MED13L: variants seen among roughly 807,000 people sequenced by gnomAD.
MED13L encodes mediator of RNA polymerase II transcription subunit 13-like.
A neutral mutation model predicts 220.9 loss-of-function variants in MED13L; 7 were observed. The ratio of observed to expected loss-of-function variants is 0.03; its 90% confidence interval spans 0.02 to 0.06. MED13L has a LOEUF of 0.06. MED13L is among the 10% of genes least tolerant of loss of function. The probability of loss-of-function intolerance (pLI) is 1.00; values close to 1 mark genes in which losing one functional copy is unlikely to be tolerated. For missense variants in MED13L, 1,965 were observed against 2,760.5 expected (o/e 0.71, Z 6.46); for synonymous variants, 1,011 against 1,015.2 (o/e 1.00, Z 0.08).
At chr12:116,093,897 T>C (rs1430837495) in intron 4 of MED13L, among the ~76,000 whole-genome samples, 1 of 152,148 alleles carries the variant, frequency 6.6e-6, no homozygotes, top group East Asian at 1.9e-4. Context: ...TTCATTTCTC[T>C]CTCTCAACTA....
At chr12:116,048,794 C>G (rs999492305) in intron 4 of MED13L, among the ~76,000 whole-genome samples, 2 of 152,144 alleles carry the variant, frequency 1.3e-5, no homozygotes, top group Non-Finnish European at 2.9e-5. Context: ...AAGTTACAGA[C>G]AGCCATTACC....
chr12:116,123,831 C>T (rs770664812), intron 2 of MED13L, among the ~76,000 whole-genome samples: 13 of 152,166 alleles, frequency 8.5e-5, no homozygotes, highest in African/African-American at 2.9e-4. Flanking sequence ...GGGCACTCTA[C>T]GGCGTGACCG....
chr12:116,016,395 T>G (rs1462120178), intron 7 of MED13L, among the ~76,000 whole-genome samples: 3 of 152,346 alleles, frequency 2.0e-5, no homozygotes, highest in African/African-American at 7.2e-5. Context: ...ATAAGAAATT[T>G]GAACTTTGCT....
chr12:116,141,912 C>T (rs1877114279), intron 2 of MED13L, among the ~76,000 whole-genome samples: 1 of 152,080 alleles, frequency 6.6e-6, no homozygotes. Context: ...CCACACCCTA[C>T]CCCAGCTTCA....
chr12:116,049,073 T>C (rs1882003280), intron 4 of MED13L, among the ~76,000 whole-genome samples: 1 of 152,210 alleles, frequency 6.6e-6, no homozygotes, highest in Non-Finnish European at 1.5e-5. Flanking sequence ...CAGCCCTTTC[T>C]ACTAGACATA....
At chr12:116,182,235 A>C (rs545942023) in intron 2 of MED13L, among the ~76,000 whole-genome samples, 96 of 152,170 alleles carry the variant, frequency 6.3e-4, no homozygotes, top group Non-Finnish European at 1.1e-3. Flanking sequence ...AACCCATTCA[A>C]ACTGGTCTTA....
chr12:116,266,184 C>T (rs1242735218), intron 1 of MED13L, among the ~76,000 whole-genome samples: 3 of 152,208 alleles, frequency 2.0e-5, no homozygotes, highest in African/African-American at 7.2e-5. Context: ...CCAATCTCAG[C>T]CCTAATTCCC....
Position 116,008,447 on chromosome 12 carries a change from A to C in MED13L, c.1966T>G (p.Cys656Gly). 2 of 1,612,936 alleles carry C rather than the reference A, an allele frequency of 1.2e-6. No homozygotes were observed. Among genetic ancestry groups the C allele is most frequent in the East Asian group, 2.2e-5 (1 of 44,838 alleles). Reference protein sequence around the residue: ...FRPPELQGERCDAKMEVNSES... With the variant: ...FRPPELQGERGDAKMEVNSES... ...GAGTTTACCTCCATTTTGGCATCAC[A>C]TCTCTCACCCTGGAGCTCTGGAGGC... is the stretch of plus-strand genomic sequence containing the variant. The change falls in exon 10 of 31, where the codon TGT (cysteine) becomes GGT (glycine). Residue 656 changes from cysteine (C) to glycine (G), a missense_variant. Coordinates refer to ENST00000281928, the MANE Select transcript of MED13L (RefSeq NM_015335.5).
intron 4 of MED13L, among the ~76,000 whole-genome samples, chr12:116,061,570 T>C (rs897600176): frequency 6.6e-6 from 1 of 152,176 alleles, no homozygotes; most frequent in Non-Finnish European, 1.5e-5. Context: ...GACATGATAG[T>C]TACTAAAATT....
intron 1 of MED13L, among the ~76,000 whole-genome samples, chr12:116,254,368 A>T (rs563018105): frequency 1.3e-5 from 2 of 152,258 alleles, no homozygotes; most frequent in African/African-American, 4.8e-5. Flanking sequence ...TACTACAACT[A>T]ATAAAGCTTA....
At chr12:116,040,773 C>T (rs1881475327) in intron 4 of MED13L, among the ~76,000 whole-genome samples, 1 of 145,962 alleles carries the variant, frequency 6.9e-6, no homozygotes, top group Non-Finnish European at 1.5e-5. Flanking sequence ...TCCACTATAG[C>T]TTGTATATGT....
chr12:116,104,526 A>T (rs1469362789), intron 3 of MED13L, among the ~76,000 whole-genome samples: 7 of 152,230 alleles, frequency 4.6e-5, no homozygotes, highest in Non-Finnish European at 7.3e-5. Flanking sequence ...GCAATTTTAC[A>T]GCTGTGTTAT....
intron 3 of MED13L, among the ~76,000 whole-genome samples, chr12:116,111,123 A>G (rs1215024844): frequency 6.6e-6 from 1 of 152,156 alleles, no homozygotes; most frequent in Non-Finnish European, 1.5e-5. Flanking sequence ...ACATACACCA[A>G]ATACTTAAGG....
chr12:116,162,407 G>A (rs1358520239), intron 2 of MED13L, among the ~76,000 whole-genome samples: 1 of 152,022 alleles, frequency 6.6e-6, no homozygotes, highest in African/African-American at 2.4e-5. Flanking sequence ...TTTTAATTTT[G>A]TCTTTTGACA....
At chr12:116,205,228 A>C (rs1882235819) in intron 2 of MED13L, among the ~76,000 whole-genome samples, 1 of 152,198 alleles carries the variant, frequency 6.6e-6, no homozygotes, top group Non-Finnish European at 1.5e-5. Context: ...AAAGCACTTC[A>C]AAACACCAGT....
At chr12:115,979,391 G>A (rs1430163304) in intron 23 of MED13L, among the ~76,000 whole-genome samples, 1 of 152,108 alleles carries the variant, frequency 6.6e-6, no homozygotes, top group Non-Finnish European at 1.5e-5. Flanking sequence ...ATTTATTTTT[G>A]AAATTCTAGA....
intron 2 of MED13L, among the ~76,000 whole-genome samples, chr12:116,132,614 A>G (rs899675330): frequency 6.6e-6 from 1 of 151,772 alleles, no homozygotes; most frequent in Non-Finnish European, 1.5e-5. Context: ...TCTGAGCTAC[A>G]AGGTGAAAAG....
intron 2 of MED13L, among the ~76,000 whole-genome samples, chr12:116,169,470 A>C (rs916885167): frequency 9.2e-5 from 14 of 152,330 alleles, no homozygotes; most frequent in African/African-American, 3.4e-4. Flanking sequence ...CATTTTCGCA[A>C]ATCTCTTTTA....
chr12:116,209,309 G>GAA (rs1346213551), intron 2 of MED13L, among the ~76,000 whole-genome samples: 1 of 152,164 alleles, frequency 6.6e-6, no homozygotes, highest in Non-Finnish European at 1.5e-5. Flanking sequence ...CCAAGGAGGT[G>GAA]TACCTCAGTA....
Sources: gnomAD v4.1 joint callset for allele counts (sites outside exome capture counted in the v4.1 genomes callset) on GRCh38, gnomAD v4.1.1 for gene constraint, MANE v1.5 for transcripts, NCBI Gene and HGNC (gene_info 2026-07-23, HGNC 2026-07-21) for gene names.